Variants in XPR1 observed in about 807,000 individuals in gnomAD.
XPR1 encodes the protein solute carrier family 53 member 1.
Under a neutral mutation model 87.5 loss-of-function variants are expected in XPR1, and 28 were observed. That is an observed-to-expected ratio of 0.32 (90% CI 0.24 to 0.44). XPR1 has a LOEUF of 0.44. XPR1 is among the 20% of genes least tolerant of loss of function. The pLI, the probability that XPR1 is intolerant of heterozygous loss-of-function variation, is 1.00. For synonymous variants in XPR1, 300 were observed against 306.1 expected (o/e 0.98, Z 0.21); for missense variants, 559 against 862.3 (o/e 0.65, Z 4.41).
chr1:180,687,759 T>A (rs1303868084), intron 2 of XPR1, among the ~76,000 whole-genome samples: 1 of 152,062 alleles, frequency 6.6e-6, no homozygotes, highest in Non-Finnish European at 1.5e-5. Flanking sequence ...ATAAATGTTT[T>A]ATGATTATAA....
chr1:180,709,891 T>G (rs937557496), intron 2 of XPR1, among the ~76,000 whole-genome samples: 1 of 128,074 alleles, frequency 7.8e-6, no homozygotes, highest in Admixed American at 7.2e-5. Context: ...TTTGAGGGTT[T>G]TTTTTTTTTT....
rs189969537 is a variant in XPR1, at chr1:180,760,817, A to G, written c.122-26936A>G. Among the ~76,000 whole-genome samples the G allele has an allele frequency of 3.9e-5, 6 of 152,334 alleles. No individual in the cohort carries two copies. The East Asian group carries it at 7.7e-4, about 20-fold the overall frequency. On this transcript the variant is annotated intron_variant, in intron 2 of 14. Coordinates refer to ENST00000367590, the MANE Select transcript of XPR1 (RefSeq NM_004736.4). Reference sequence around the variant, plus strand: ...GAGCCCGCATCGCCAAGTCAATCCTAAGCCAAAAGAAGAAAACCGGAGGCA... The same window carrying G: ...GAGCCCGCATCGCCAAGTCAATCCTGAGCCAAAAGAAGAAAACCGGAGGCA...
chr1:180,727,816 C>T (rs193074936), intron 2 of XPR1, among the ~76,000 whole-genome samples: 1 of 152,238 alleles, frequency 6.6e-6, no homozygotes, highest in African/African-American at 2.4e-5. Context: ...TTTTTTAGAC[C>T]AGATAAGGTA....
At chr1:180,697,936 A>G (rs768647213) in intron 2 of XPR1, among the ~76,000 whole-genome samples, 2 of 152,110 alleles carry the variant, frequency 1.3e-5, no homozygotes, top group African/African-American at 2.4e-5. Context: ...GTTGGGTGAA[A>G]TGTTCTATAA....
At chr1:180,862,221 AGTT>A (rs999022793) in intron 11 of XPR1, among the ~76,000 whole-genome samples, 2 of 152,012 alleles carry the variant, frequency 1.3e-5, no homozygotes, top group African/African-American at 4.8e-5. Context: ...TTTGCCAACC[AGTT>A]GTTTTTCTAA....
intron 2 of XPR1, among the ~76,000 whole-genome samples, chr1:180,782,198 T>C (rs1232610694): frequency 2.0e-5 from 3 of 151,992 alleles, no homozygotes; most frequent in Admixed American, 2.0e-4. Context: ...ATCTTACAAT[T>C]GTTGATATAT....
chr1:180,767,455 C>T (rs557900968), intron 2 of XPR1, among the ~76,000 whole-genome samples: 4 of 152,232 alleles, frequency 2.6e-5, no homozygotes, highest in East Asian at 1.9e-4. Flanking sequence ...TTTTAAAATA[C>T]ATAAACTGGT....
At chr1:180,705,115 G>A (rs1443852473) in intron 2 of XPR1, among the ~76,000 whole-genome samples, 1 of 151,998 alleles carries the variant, frequency 6.6e-6, no homozygotes, top group Non-Finnish European at 1.5e-5. Context: ...TAAGCATTAA[G>A]TAATACTCTT....
At chr1:180,811,513 AT>A (rs1558020029) in intron 7 of XPR1, 25 bp downstream of exon 7, 1 of 1,579,112 alleles carries the variant, frequency 6.3e-7, no homozygotes, top group South Asian at 1.1e-5. Context: ...TTTTGAATTA[AT>A]TTATTCTTAC....
At chr1:180,685,766 T>G (rs1283835408) in intron 2 of XPR1, among the ~76,000 whole-genome samples, 1 of 152,222 alleles carries the variant, frequency 6.6e-6, no homozygotes, top group Admixed American at 6.5e-5. Context: ...TTTTCTAGTT[T>G]ATGTGCGTAG....
At chr1:180,813,267 TA>T (rs1490077452) in intron 7 of XPR1, among the ~76,000 whole-genome samples, 1 of 152,220 alleles carries the variant, frequency 6.6e-6, no homozygotes, top group East Asian at 1.9e-4. Context: ...AAGCTCATTC[TA>T]ATCTAAGAGC....
chr1:180,807,655 G>A (rs1158940011), intron 6 of XPR1, among the ~76,000 whole-genome samples: 2 of 152,132 alleles, frequency 1.3e-5, no homozygotes, highest in Admixed American at 6.5e-5. Context: ...GATATAATAC[G>A]TTCCAGCTCA....
At chr1:180,882,950 T>G (rs901683207) in intron 14 of XPR1, among the ~76,000 whole-genome samples, 2 of 151,822 alleles carry the variant, frequency 1.3e-5, no homozygotes, top group African/African-American at 4.8e-5. Flanking sequence ...TTTCTTATAT[T>G]TGTTTTTTGG....
chr1:180,782,087 C>T (rs1377266573), intron 2 of XPR1, among the ~76,000 whole-genome samples: 5 of 152,028 alleles, frequency 3.3e-5, no homozygotes, highest in Non-Finnish European at 7.4e-5. Context: ...ATTTATTTAA[C>T]TCAGAGCAAA....
At chr1:180,851,399 G>A (rs780311090) in intron 11 of XPR1, among the ~76,000 whole-genome samples, 14 of 152,250 alleles carry the variant, frequency 9.2e-5, no homozygotes, top group East Asian at 1.9e-4. Flanking sequence ...TTGGACCTCC[G>A]TCAGACAGAA....
At chr1:180,818,327 GTTTTTTT>G (rs76651863) in intron 7 of XPR1, among the ~76,000 whole-genome samples, 1 of 139,510 alleles carries the variant, frequency 7.2e-6, no homozygotes, top group African/African-American at 2.6e-5. Flanking sequence ...TTCTGTTTGG[GTTTTTTT>G]TTTTTTTTTA....
In XPR1 at chr1:180,851,438, T is replaced by C. The variant is rs114666201; in HGVS notation, c.1502-12270T>C. 3.1e-3 allele frequency among the ~76,000 whole-genome samples: 473 copies of C among 152,306 alleles called. 2 individuals are homozygous for C. The highest frequency in any genetic ancestry group is 0.011 in the African/African-American group (450 of 41,562). On this transcript the variant is annotated intron_variant, in intron 11 of 14. Coordinates refer to ENST00000367590, the MANE Select transcript of XPR1 (RefSeq NM_004736.4). ...ATTTGTGTGCCTATAGACAGAATTA[T>C]TGGCATTTATCCACAATTTATACAG...
intron 7 of XPR1, among the ~76,000 whole-genome samples, chr1:180,819,816 G>A (rs1036475114): frequency 2.0e-5 from 3 of 152,022 alleles, no homozygotes; most frequent in African/African-American, 4.8e-5. Flanking sequence ...TCAGGAGTTC[G>A]AGACCAGCCT....
At position 180,779,615 on chromosome 1, in the gene XPR1, G is replaced by A. The variant is rs146322791; in HGVS notation, c.122-8138G>A. On this transcript the variant is annotated intron_variant, in intron 2 of 14. Transcript: ENST00000367590. ...AGTAGAAATACAAAAATTGGGTGTGGTGGTGGGCACCTATAATCCCAGCTA... is the reference window on the plus strand; with the variant it reads ...AGTAGAAATACAAAAATTGGGTGTGATGGTGGGCACCTATAATCCCAGCTA... 1.8e-4 allele frequency among the ~76,000 whole-genome samples: 27 copies of A among 152,002 alleles called. No individual in the cohort carries two copies. In the East Asian group the frequency reaches 4.8e-3, roughly 27 times the overall value.
Sources: allele counts gnomAD v4.1 joint callset (sites outside exome capture counted in the v4.1 genomes callset), GRCh38; gene constraint gnomAD v4.1.1; transcripts MANE v1.5; gene names NCBI Gene and HGNC (gene_info 2026-07-23, HGNC 2026-07-21).